Variants in SHOC1 observed in about 807,000 individuals in gnomAD.
The protein encoded by SHOC1 is protein shortage in chiasmata 1 ortholog.
SHOC1 carries 136 observed loss-of-function variants against 179.2 expected under a neutral mutation model. The ratio of observed to expected loss-of-function variants is 0.76; its 90% CI spans 0.66 to 0.87. The LOEUF is 0.87. SHOC1 is among the 40% of genes least tolerant of loss of function. The pLI, the probability that SHOC1 is intolerant of heterozygous loss-of-function variation, is 0.00. For missense variants in SHOC1, 1,538 were observed against 1,700.8 expected (o/e 0.90, Z 1.68); for synonymous variants, 489 against 586.6 (o/e 0.83, Z 2.41).
intron 2 of SHOC1, among the ~76,000 whole-genome samples, chr9:111,786,299 G>T (rs551388203): frequency 6.6e-6 from 1 of 152,202 alleles, no homozygotes; most frequent in East Asian, 1.9e-4. Context: ...TCCGGGCGTG[G>T]TTGTGGGCGC....
chr9:111,771,217 T>C (rs1198799455), intron 5 of SHOC1, among the ~76,000 whole-genome samples: 1 of 152,156 alleles, frequency 6.6e-6, no homozygotes, highest in East Asian at 1.9e-4. Context: ...AAAAACATTG[T>C]ATAGATATAA....
At chr9:111,738,765 A>G (rs1472619386) in intron 11 of SHOC1, among the ~76,000 whole-genome samples, 1 of 152,208 alleles carries the variant, frequency 6.6e-6, no homozygotes, top group African/African-American at 2.4e-5. Flanking sequence ...AAATATCAAA[A>G]AGTTAAAATT....
Position 111,707,933 on chromosome 9 carries a change from A to T in SHOC1, c.2489-9T>A. 1 of 1,510,286 alleles carries T rather than the reference A, an allele frequency of 6.6e-7. No homozygotes were observed. Among genetic ancestry groups the T allele is most frequent in the Non-Finnish European group, 8.9e-7 (1 of 1,125,164 alleles). 93.6% of individuals were successfully genotyped at this position (1,510,286 alleles called of 1,614,324 possible). A position where few individuals can be genotyped will look rare whatever the true frequency, so the allele number is the denominator to read the frequency against. On this transcript the variant is annotated splice_polypyrimidine_tract_variant and intron_variant, in intron 18 of 27. Transcript: ENST00000682961. ...GACAGTCAGTGTTAAACCTGTTGGA[A>T]AAAAGAATAATTTTTTTCAGTGTCT... is the stretch of plus-strand genomic sequence containing the variant.
rs1264458863 is a variant in SHOC1, at chr9:111,763,040, CTT to C, written c.443-4194_443-4193del. Among the ~76,000 whole-genome samples, 5 of 151,796 alleles carry C rather than the reference CTT, an allele frequency of 3.3e-5. No individual in the cohort carries two copies. The East Asian group carries it at 5.8e-4, about 18-fold the overall frequency. Reference sequence around the variant, plus strand: ...TTGTTATATACAAGCAATAAACAAACTTATATTAGAAATATAAATAGTAATGG... The same window carrying C: ...TTGTTATATACAAGCAATAAACAAACATATTAGAAATATAAATAGTAATGG... On this transcript the variant is annotated intron_variant, in intron 5 of 27. Transcript: ENST00000682961.
rs1228604716 is a variant in SHOC1, at chr9:111,699,583, T to G, written c.3183+371A>C. 2.0e-5 allele frequency among the ~76,000 whole-genome samples: 3 copies of G among 152,158 alleles called. No homozygotes were observed. The East Asian group carries it at 5.8e-4, about 29-fold the overall frequency. On this transcript the variant is annotated intron_variant, in intron 24 of 27. Transcript: ENST00000682961. ...AAAGGGGGCCAAGGGAAGAGACTGA[T>G]TAGAGATCACCAATATATTACCCTA... is the stretch of plus-strand genomic sequence containing the variant.
At chr9:111,714,990 G>A (rs34519879) in intron 16 of SHOC1, among the ~76,000 whole-genome samples, 8,375 of 152,194 alleles carry the variant, frequency 0.055, 566 homozygotes, top group African/African-American at 0.16. Context: ...TATTTTATCC[G>A]TACAACTTTT....
At chr9:111,686,901 T>G in intron 27 of SHOC1, 31 bp from the exon 28 acceptor site, 1 of 1,387,794 alleles carries the variant, frequency 7.2e-7, no homozygotes, top group East Asian at 2.3e-5. Context: ...AAAACCATTT[T>G]ATTGCTTACA....
chr9:111,706,416 G>A, intron 20 of SHOC1, 152 bp downstream of exon 20: 1 of 412,070 alleles, frequency 2.4e-6, no homozygotes. Flanking sequence ...ACAGTTAAAG[G>A]ACTACCCCAG....
chr9:111,780,827 T>A, intron 4 of SHOC1, 103 bp downstream of exon 4: 2 of 743,906 alleles, frequency 2.7e-6, no homozygotes, highest in Non-Finnish European at 4.4e-6. Context: ...AGAAAATCCA[T>A]GAAGAGATAA....
At chr9:111,709,439 A>G (rs1237494680) in intron 18 of SHOC1, among the ~76,000 whole-genome samples, 1 of 152,250 alleles carries the variant, frequency 6.6e-6, no homozygotes, top group Non-Finnish European at 1.5e-5. Flanking sequence ...GTGCAGTACT[A>G]GATCTTACAA....
intron 10 of SHOC1, among the ~76,000 whole-genome samples, chr9:111,743,118 G>A (rs1589432644): frequency 6.6e-6 from 1 of 151,978 alleles, no homozygotes; most frequent in South Asian, 2.1e-4. Flanking sequence ...TGTTAACTGG[G>A]TATTATTTTC....
Position 111,758,094 on chromosome 9 carries a change from C to A in SHOC1, c.698G>T (p.Cys233Phe). 6.7e-7 allele frequency: 1 copy of A among 1,500,170 alleles called. No individual in the cohort carries two copies. The highest frequency in any genetic ancestry group is 9.1e-7 in the Non-Finnish European group (1 of 1,097,786). 92.9% of individuals were successfully genotyped at this position (1,500,170 alleles called of 1,614,324 possible). A position where few individuals can be genotyped will look rare whatever the true frequency, so the allele number is the denominator to read the frequency against. The change falls in exon 7 of 28, where the codon TGT becomes TTT. Residue 233 changes from cysteine to phenylalanine, a missense_variant. Coordinates refer to ENST00000682961, the MANE Select transcript of SHOC1 (RefSeq NM_001378211.1). ...FCQEKLEDTI[C>F]LNEPSSFLIE... ...AGCCAGTATTACAACCTCATTTAAA[C>A]ATATTGTATCTTCTAGTTTCTCTTG...
intron 5 of SHOC1, among the ~76,000 whole-genome samples, chr9:111,762,707 A>G (rs1269941636): frequency 6.6e-6 from 1 of 152,142 alleles, no homozygotes; most frequent in Non-Finnish European, 1.5e-5. Context: ...AACAGAAGGA[A>G]TCTTCCTCAA....
At chr9:111,747,038 A>C (rs1216140696) in intron 9 of SHOC1, among the ~76,000 whole-genome samples, 3 of 152,214 alleles carry the variant, frequency 2.0e-5, no homozygotes, top group South Asian at 4.1e-4. Flanking sequence ...TTATTTCCAT[A>C]CTAATTATTA....
chr9:111,778,401 T>C (rs749487932), intron 4 of SHOC1, among the ~76,000 whole-genome samples: 20 of 152,172 alleles, frequency 1.3e-4, no homozygotes, highest in Non-Finnish European at 2.5e-4. Context: ...CAAAGTTCTT[T>C]CCTTCATGGA....
At chr9:111,738,789 G>C (rs1398767389) in intron 11 of SHOC1, among the ~76,000 whole-genome samples, 1 of 152,164 alleles carries the variant, frequency 6.6e-6, no homozygotes, top group South Asian at 2.1e-4. Context: ...CTGATATTTA[G>C]TAGAAGGAAA....
chr9:111,686,725 T>C lies in SHOC1; in HGVS notation c.*45A>G, dbSNP rs772375420. 2.0e-5 allele frequency: 25 copies of C among 1,253,326 alleles called. No individual in the cohort carries two copies. The Middle Eastern group carries it at 5.6e-4, about 28-fold the overall frequency. 77.6% of individuals were successfully genotyped at this position (1,253,326 alleles called of 1,614,324 possible). A position where few individuals can be genotyped will look rare whatever the true frequency, so the allele number is the denominator to read the frequency against. ...AAATAATTGCGCTAGTGGATTAGCA[T>C]CAAAAACAGTGGAATATGGCATGTA... On this transcript the variant is annotated 3_prime_UTR_variant, in exon 28 of 28. Coordinates refer to ENST00000682961, the MANE Select transcript of SHOC1 (RefSeq NM_001378211.1).
intron 5 of SHOC1, among the ~76,000 whole-genome samples, chr9:111,769,780 T>C (rs988172336): frequency 2.0e-5 from 3 of 152,178 alleles, no homozygotes; most frequent in South Asian, 4.1e-4. Context: ...TCAATCTTGA[T>C]AGGTTGTATG....
chr9:111,785,352 CT>C (rs36051314), intron 3 of SHOC1, among the ~76,000 whole-genome samples: 28,571 of 152,026 alleles, frequency 0.19, 2,868 homozygotes, highest in Non-Finnish European at 0.22. Context: ...GGTTTTGTTG[CT>C]GTATCCTCCT....
Sources: allele counts gnomAD v4.1 joint callset (sites outside exome capture counted in the v4.1 genomes callset), GRCh38; gene constraint gnomAD v4.1.1; transcripts MANE v1.5; gene names NCBI Gene and HGNC (gene_info 2026-07-23, HGNC 2026-07-21).